Variants in ARHGAP15 observed in about 807,000 individuals in gnomAD.
The protein encoded by ARHGAP15 is rho GTPase-activating protein 15.
A neutral mutation model predicts 63.7 loss-of-function variants in ARHGAP15; 51 were observed. The ratio of observed to expected loss-of-function variants is 0.80; its 90% CI spans 0.64 to 1.01. The LOEUF is 1.01. Ranked by LOEUF, ARHGAP15 falls within the 50% of genes least tolerant of loss-of-function variation. ARHGAP15 has a pLI of 0.00. For synonymous variants in ARHGAP15, 191 were observed against 193.8 expected (o/e 0.99, Z 0.12); for missense variants, 560 against 564.6 (o/e 0.99, Z 0.08).
chr2:143,459,692 A>G (rs1690833828), intron 8 of ARHGAP15, among the ~76,000 whole-genome samples: 1 of 152,238 alleles, frequency 6.6e-6, no homozygotes, highest in Admixed American at 6.5e-5. Flanking sequence ...CTTAAAATCC[A>G]TTCAAAGAAA....
rs1421502107 is a variant in ARHGAP15, at chr2:143,624,242, C to A, written c.1113C>A (p.Phe371Leu). The A allele has an allele frequency of 1.2e-6, 2 of 1,613,318 alleles. No individual in the cohort carries two copies. The highest frequency in any genetic ancestry group is 1.1e-5 in the South Asian group (1 of 91,024). The change falls in exon 12 of 14, where the codon TTC becomes TTA. Residue 371 changes from phenylalanine (F) to leucine (L), a missense_variant. Physicochemically the swap from Phe to Leu is conservative, Grantham distance 22. Transcript: ENST00000295095. Reference protein sequence around the residue: ...ELPEPLFPYSFFEQFVEAIKK... With the variant: ...ELPEPLFPYSLFEQFVEAIKK... ...CTGAGCCGCTCTTCCCTTACAGTTT[C>A]TTTGAGCAGTTTGTGGAAGCGATCA...
intron 6 of ARHGAP15, among the ~76,000 whole-genome samples, chr2:143,373,004 C>T (rs1166676966): frequency 6.9e-6 from 1 of 144,818 alleles, no homozygotes; most frequent in African/African-American, 2.6e-5. Flanking sequence ...AAAAAAAAAT[C>T]TAGTGAGGGA....
chr2:143,647,644 A>G (rs1300048857), intron 12 of ARHGAP15, among the ~76,000 whole-genome samples: 4 of 152,008 alleles, frequency 2.6e-5, no homozygotes, highest in Non-Finnish European at 4.4e-5. Context: ...AGCCAAAAAG[A>G]TCTCATTTGG....
intron 9 of ARHGAP15, among the ~76,000 whole-genome samples, chr2:143,492,926 C>T (rs1357957538): frequency 7.9e-5 from 12 of 151,894 alleles, no homozygotes; most frequent in East Asian, 1.9e-4. Flanking sequence ...GCCGTGGTGG[C>T]GGGCACCTGT....
intron 6 of ARHGAP15, among the ~76,000 whole-genome samples, chr2:143,325,631 A>G (rs1344221204): frequency 6.6e-6 from 1 of 152,114 alleles, no homozygotes; most frequent in Non-Finnish European, 1.5e-5. Flanking sequence ...ATGAATTAAA[A>G]CTTTTGGGAG....
Position 143,363,269 on chromosome 2 carries a change from G to A in ARHGAP15, c.475-72332G>A, listed in dbSNP as rs143316633. On this transcript the variant is annotated intron_variant, in intron 6 of 13. Coordinates refer to ENST00000295095, the MANE Select transcript of ARHGAP15 (RefSeq NM_018460.4). ...GTCTAGAAAACTCTTGCCCAGGTGG[G>A]GTGGCTTATGCCTCTAATCCCAGCA... Among the ~76,000 whole-genome samples, 75 of 152,190 alleles carry A rather than the reference G, an allele frequency of 4.9e-4. No individual in the cohort carries two copies. The East Asian group carries it at 0.014, about 27-fold the overall frequency.
chr2:143,550,583 G>T (rs1695514975), intron 10 of ARHGAP15, among the ~76,000 whole-genome samples: 1 of 152,310 alleles, frequency 6.6e-6, no homozygotes, highest in East Asian at 1.9e-4. Flanking sequence ...AATCTCTGTA[G>T]CCAGTCATAT....
At chr2:143,557,729 C>T (rs1445994574) in intron 11 of ARHGAP15, among the ~76,000 whole-genome samples, 2 of 152,058 alleles carry the variant, frequency 1.3e-5, no homozygotes, top group African/African-American at 2.4e-5. Context: ...TGAGGAGATA[C>T]ATGTTAACTC....
intron 4 of ARHGAP15, among the ~76,000 whole-genome samples, chr2:143,221,673 C>T (rs1693002441): frequency 6.6e-6 from 1 of 152,200 alleles, no homozygotes; most frequent in Admixed American, 6.5e-5. Flanking sequence ...GCACCACAAA[C>T]TTTCTTCTCC....
At chr2:143,344,874 C>G (rs1480954712) in intron 6 of ARHGAP15, among the ~76,000 whole-genome samples, 1 of 152,016 alleles carries the variant, frequency 6.6e-6, no homozygotes, top group Non-Finnish European at 1.5e-5. Context: ...GTCAAAAGGG[C>G]TTTGCTGAAA....
At chr2:143,194,943 A>G (rs561868943) in intron 2 of ARHGAP15, among the ~76,000 whole-genome samples, 1 of 152,348 alleles carries the variant, frequency 6.6e-6, no homozygotes, top group African/African-American at 2.4e-5. Context: ...CCCTTTGGCT[A>G]TCTGGGATAT....
intron 3 of ARHGAP15, among the ~76,000 whole-genome samples, chr2:143,211,884 C>A (rs1574097288): frequency 6.6e-6 from 1 of 152,092 alleles, no homozygotes; most frequent in Non-Finnish European, 1.5e-5. Flanking sequence ...TGCCAATGAG[C>A]ACATTATCAG....
At chr2:143,488,024 T>C (rs1490332148) in intron 9 of ARHGAP15, among the ~76,000 whole-genome samples, 1 of 152,354 alleles carries the variant, frequency 6.6e-6, no homozygotes, top group Non-Finnish European at 1.5e-5. Flanking sequence ...CAATCCAAAC[T>C]GAAATAACTA....
chr2:143,727,288 G>A (rs746393683), intron 13 of ARHGAP15, among the ~76,000 whole-genome samples: 2 of 152,172 alleles, frequency 1.3e-5, no homozygotes, highest in Admixed American at 6.5e-5. Flanking sequence ...CAGTTCACAC[G>A]AAAGAGTGTT....
At chr2:143,208,522 A>T (rs1692438530) in intron 3 of ARHGAP15, among the ~76,000 whole-genome samples, 1 of 152,266 alleles carries the variant, frequency 6.6e-6, no homozygotes, top group East Asian at 1.9e-4. Context: ...CAGAGTGGAA[A>T]CTACCCAGTT....
At chr2:143,692,892 A>C (rs1424671878) in intron 12 of ARHGAP15, among the ~76,000 whole-genome samples, 3 of 152,188 alleles carry the variant, frequency 2.0e-5, no homozygotes, top group Non-Finnish European at 4.4e-5. Flanking sequence ...AACACACATC[A>C]CTGCAAGATA....
chr2:143,502,713 G>A (rs1457725341), intron 9 of ARHGAP15, among the ~76,000 whole-genome samples: 2 of 152,002 alleles, frequency 1.3e-5, no homozygotes, highest in African/African-American at 4.8e-5. Flanking sequence ...CTGGATAGCT[G>A]GGACTATAGG....
intron 5 of ARHGAP15, among the ~76,000 whole-genome samples, chr2:143,238,755 G>A (rs996615459): frequency 5.3e-5 from 8 of 152,114 alleles, no homozygotes; most frequent in African/African-American, 9.7e-5. Flanking sequence ...TATGTTCATT[G>A]CAGCACTGTT....
chr2:143,421,616 G>A (rs1688919845), intron 6 of ARHGAP15, among the ~76,000 whole-genome samples: 1 of 151,666 alleles, frequency 6.6e-6, no homozygotes, highest in Admixed American at 6.6e-5. Flanking sequence ...GTTGGGACCA[G>A]CATTTTTAAA....
Sources: allele counts gnomAD v4.1 joint callset (sites outside exome capture counted in the v4.1 genomes callset), GRCh38; gene constraint gnomAD v4.1.1; transcripts MANE v1.5; gene names NCBI Gene and HGNC (gene_info 2026-07-23, HGNC 2026-07-21).